ANKRD11: variants seen among roughly 807,000 people sequenced by gnomAD.
ANKRD11 encodes ankyrin repeat domain-containing protein 11.
In ANKRD11, 17 loss-of-function variants were observed where a neutral mutation model predicts 195.7. The ratio of observed to expected loss-of-function variants is 0.09; its 90% confidence interval spans 0.06 to 0.13. The LOEUF (loss-of-function observed/expected upper bound fraction) is 0.13, where lower values mean the gene tolerates loss of function less well. Among genes scored for constraint, ANKRD11 ranks in the 10% least tolerant of loss-of-function variants. ANKRD11 has a pLI of 1.00. For missense variants in ANKRD11, 3,735 were observed against 3,566.1 expected (o/e 1.05, Z -1.21); for synonymous variants, 1,953 against 1,528.1 (o/e 1.28, Z -6.49).
At chr16:89,485,771 G>T (rs1002083974) in intron 1 of ANKRD11, among the ~76,000 whole-genome samples, 1 of 152,144 alleles carries the variant, frequency 6.6e-6, no homozygotes, top group Non-Finnish European at 1.5e-5. Context: ...TCCCTCCAAA[G>T]AGATCATTTT....
intron 2 of ANKRD11, among the ~76,000 whole-genome samples, chr16:89,394,302 T>G (rs2041330664): frequency 6.6e-6 from 1 of 152,192 alleles, no homozygotes; most frequent in Non-Finnish European, 1.5e-5. Context: ...CCTGCCACAC[T>G]GCTCTCACTC....
At chr16:89,452,193 G>T (rs1299888455) in intron 1 of ANKRD11, among the ~76,000 whole-genome samples, 1 of 151,742 alleles carries the variant, frequency 6.6e-6, no homozygotes. Flanking sequence ...GGGAGGTGGA[G>T]GTTGCAGTAA....
intron 1 of ANKRD11, among the ~76,000 whole-genome samples, chr16:89,437,049 C>T (rs1299496183): frequency 6.6e-6 from 1 of 152,094 alleles, no homozygotes; most frequent in Non-Finnish European, 1.5e-5. Context: ...AAGTGACATA[C>T]GAGGAAGGAG....
At chr16:89,308,037 C>A (rs893297810) in intron 3 of ANKRD11, among the ~76,000 whole-genome samples, 5 of 151,440 alleles carry the variant, frequency 3.3e-5, no homozygotes, top group African/African-American at 1.2e-4. Context: ...TGTGAAGAGG[C>A]CACCATCACC....
intron 1 of ANKRD11, among the ~76,000 whole-genome samples, chr16:89,432,944 A>ATCTC (rs56770747): frequency 0.025 from 2,707 of 108,656 alleles, 60 homozygotes; most frequent in Admixed American, 0.031. Context: ...CAGAGACCCT[A>ATCTC]TCTCTCTCTC....
At chr16:89,351,624 G>A (rs1348541769) in intron 2 of ANKRD11, among the ~76,000 whole-genome samples, 3 of 152,192 alleles carry the variant, frequency 2.0e-5, no homozygotes, top group Non-Finnish European at 2.9e-5. Context: ...TGCTGCTGTG[G>A]GCACTGCAGA....
chr16:89,273,103 G>C (rs560533556), intron 11 of ANKRD11: 123 of 150,302 alleles, frequency 8.2e-4, no homozygotes, highest in African/African-American at 2.7e-3. Context: ...CAGCACAATA[G>C]GGTAACTGTA....
chr16:89,452,796 A>C (rs1292270022), intron 1 of ANKRD11, among the ~76,000 whole-genome samples: 1 of 151,652 alleles, frequency 6.6e-6, no homozygotes, highest in Non-Finnish European at 1.5e-5. Context: ...AAAAAAAAAA[A>C]AAAAAGAATA....
intron 1 of ANKRD11, among the ~76,000 whole-genome samples, chr16:89,441,510 G>C (rs547276156): frequency 6.6e-6 from 1 of 152,064 alleles, no homozygotes; most frequent in Non-Finnish European, 1.5e-5. Context: ...GCTCACGCCT[G>C]TAATCCCAGC....
At chr16:89,433,024 T>A (rs2043064685) in intron 1 of ANKRD11, among the ~76,000 whole-genome samples, 1 of 149,404 alleles carries the variant, frequency 6.7e-6, no homozygotes, top group African/African-American at 2.5e-5. Flanking sequence ...ACACACGAAA[T>A]ATATGGACAC....
rs1465349368 is a variant in ANKRD11 at position 89,291,467 on chromosome 16, C to A, written c.227-284G>T. 3.3e-5 allele frequency among the ~76,000 whole-genome samples: 5 copies of A among 152,286 alleles called. No individual in the cohort carries two copies. In the East Asian group the frequency reaches 9.6e-4, roughly 29 times the overall value. The stretch of plus-strand genomic sequence containing the variant: ...GAGCATCCACTCACTCCAGGCACCT[C>A]TCCTGGGCCTCCCCAGACCTCGTAC... On this transcript the variant is annotated intron_variant, in intron 4 of 12. Transcript: ENST00000301030. This position sits in a 1 kb window ranked among gnomAD's most constrained non-coding sequence, Gnocchi z 5.3.
chr16:89,281,706 C>T lies in ANKRD11; in HGVS notation c.4836G>A (p.Arg1612=), dbSNP rs758317548. ...TGAGCTTGGGGTCTCCGGACCGGTG[C>T]CTCAGCTTCTCCATTTGCTTCATCC... ...KERMKQMEKL[R]HRSGDPKLKE... is the part of the protein sequence containing the mutation. Residue 1612 remains arginine, a synonymous_variant, in exon 9 of 13, where the codon AGG becomes AGA. Transcript: ENST00000301030. The surrounding 1 kb of genome is among the most constrained non-coding windows in gnomAD (Gnocchi z 5.5). 6.2e-7 allele frequency: 1 copy of T among 1,614,162 alleles called. No individual in the cohort carries two copies. The highest frequency in any genetic ancestry group is 1.7e-5 in the Admixed American group (1 of 60,026).
At chr16:89,292,046 G>A (rs2035095372) in intron 4 of ANKRD11, among the ~76,000 whole-genome samples, 1 of 152,170 alleles carries the variant, frequency 6.6e-6, no homozygotes, top group Admixed American at 6.5e-5. Context: ...GGAAATCAGG[G>A]GCCAGACACC....
intron 2 of ANKRD11, among the ~76,000 whole-genome samples, chr16:89,321,467 G>GGCGGA (rs1460219515): frequency 6.7e-6 from 1 of 150,374 alleles, no homozygotes; most frequent in African/African-American, 2.5e-5. Flanking sequence ...TGCGGGGCGG[G>GGCGGA]GACTGTGGGG....
At position 89,353,564 on chromosome 16, in the gene ANKRD11, G is replaced by A. The variant is rs528103653; in HGVS notation, c.-59-36486C>T. Among the ~76,000 whole-genome samples, 3 of 151,030 alleles carry A rather than the reference G, an allele frequency of 2.0e-5. No homozygotes were observed. The East Asian group carries it at 6.2e-4, about 31-fold the overall frequency. ...GCAATCTCGGCTCACTGCAACCTCC[G>A]CCTTCCGGGTTCAAGCAATTCTCCT... On this transcript the variant is annotated intron_variant, in intron 2 of 12. Coordinates refer to ENST00000301030, the MANE Select transcript of ANKRD11 (RefSeq NM_013275.6).
intron 3 of ANKRD11, among the ~76,000 whole-genome samples, 154 bp from the exon 4 acceptor site, chr16:89,305,498 C>T (rs1037755831): frequency 3.3e-5 from 5 of 152,220 alleles, no homozygotes; most frequent in Admixed American, 6.5e-5. Flanking sequence ...GGCTGGTCAC[C>T]GACCGCAGAA....
At chr16:89,287,495 C>T (rs534673892) in intron 7 of ANKRD11, 24 of 210,180 alleles carry the variant, frequency 1.1e-4, no homozygotes, top group African/African-American at 5.3e-4. Context: ...AAAGCTGCAT[C>T]GGATGCCCCA....
intron 1 of ANKRD11, among the ~76,000 whole-genome samples, chr16:89,455,675 T>A (rs2056403479): frequency 6.6e-6 from 1 of 152,088 alleles, no homozygotes; most frequent in African/African-American, 2.4e-5. Context: ...ACTTACCTGC[T>A]CACACACCTC....
At chr16:89,478,581 C>T (rs2057337690) in intron 1 of ANKRD11, among the ~76,000 whole-genome samples, 1 of 152,192 alleles carries the variant, frequency 6.6e-6, no homozygotes, top group South Asian at 2.1e-4. Flanking sequence ...ACAAATGTGT[C>T]CCTTTCGTCC....
Sources: allele counts gnomAD v4.1 joint callset (sites outside exome capture counted in the v4.1 genomes callset), GRCh38; gene constraint gnomAD v4.1.1; non-coding constraint Gnocchi (gnomAD v3.1); transcripts MANE v1.5; gene names NCBI Gene and HGNC (gene_info 2026-07-23, HGNC 2026-07-21).